The following VPS13B variants were observed in gnomAD, a reference collection of about 807,000 sequenced individuals.
VPS13B encodes intermembrane lipid transfer protein VPS13B.
VPS13B carries 285 observed loss-of-function variants against 426.4 expected under a neutral mutation model. The observed-to-expected ratio is 0.67, with a 90% CI of 0.61 to 0.74. The LOEUF (loss-of-function observed/expected upper bound fraction) is 0.74. Ranked by LOEUF, VPS13B falls within the 30% of genes least tolerant of loss-of-function variation. The pLI, the probability that VPS13B is intolerant of heterozygous loss-of-function variation, is 0.00. For missense variants in VPS13B, 4,537 were observed against 4,782.6 expected, an observed-to-expected ratio of 0.95 and a Z score of 1.51; for synonymous variants, 1,676 against 1,676.4, an observed-to-expected ratio of 1.00 and a Z score of 0.01.
At chr8:99,167,006 C>T (rs926059949) in intron 15 of VPS13B, among the ~76,000 whole-genome samples, 4 of 152,082 alleles carry the variant, frequency 2.6e-5, no homozygotes, top group East Asian at 3.8e-4. Flanking sequence ...GAAGGAAGAT[C>T]GGGTGAAATT....
intron 33 of VPS13B, among the ~76,000 whole-genome samples, chr8:99,580,541 G>A (rs1394973239): frequency 2.0e-5 from 3 of 151,692 alleles, no homozygotes; most frequent in Non-Finnish European, 4.4e-5. Flanking sequence ...ACAACCTTTG[G>A]CAATATTTAT....
chr8:99,386,790 G>A (rs1240836284), intron 20 of VPS13B, among the ~76,000 whole-genome samples: 1 of 152,108 alleles, frequency 6.6e-6, no homozygotes, highest in African/African-American at 2.4e-5. Flanking sequence ...GGGGAACATA[G>A]CGAGACTCTG....
intron 23 of VPS13B, among the ~76,000 whole-genome samples, chr8:99,454,818 A>AT (rs1157305516): frequency 2.6e-5 from 4 of 152,266 alleles, no homozygotes; most frequent in African/African-American, 9.6e-5. Flanking sequence ...AATTTTGGCC[A>AT]TTCTGATAGG....
intron 40 of VPS13B, among the ~76,000 whole-genome samples, chr8:99,776,279 T>C (rs1466970516): frequency 1.3e-5 from 2 of 152,246 alleles, no homozygotes; most frequent in Non-Finnish European, 2.9e-5. Flanking sequence ...AGTATGATCA[T>C]AGATCAGTAT....
intron 17 of VPS13B, among the ~76,000 whole-genome samples, chr8:99,211,116 T>G (rs1815067205): frequency 6.6e-6 from 1 of 152,130 alleles, no homozygotes; most frequent in Non-Finnish European, 1.5e-5. Context: ...ACCATGATTG[T>G]AAGATGAAGC....
At chr8:99,034,752 G>A (rs1269484759) in intron 2 of VPS13B, among the ~76,000 whole-genome samples, 1 of 152,142 alleles carries the variant, frequency 6.6e-6, no homozygotes, top group Non-Finnish European at 1.5e-5. Flanking sequence ...TTGCTGCTGA[G>A]CTGTCTGTTG....
At chr8:99,062,386 A>C (rs1844238009) in intron 3 of VPS13B, among the ~76,000 whole-genome samples, 1 of 152,182 alleles carries the variant, frequency 6.6e-6, no homozygotes, top group Admixed American at 6.5e-5. Context: ...AAACACAATA[A>C]ATTATCATTA....
intron 44 of VPS13B, among the ~76,000 whole-genome samples, chr8:99,815,092 T>G (rs200465953): frequency 9.7e-6 from 1 of 103,572 alleles, no homozygotes; most frequent in African/African-American, 3.2e-5. Flanking sequence ...TGAGGGGGTG[T>G]GTGTGTGCAC....
At chr8:99,561,357 A>G (rs1824911660) in intron 31 of VPS13B, among the ~76,000 whole-genome samples, 2 of 152,174 alleles carry the variant, frequency 1.3e-5, no homozygotes, top group Admixed American at 6.5e-5. Context: ...ACTGTTTTGT[A>G]TATTCATCCA....
chr8:99,835,104 G>A (rs1221892651), intron 52 of VPS13B, 93 bp from the exon 53 acceptor site: 2 of 1,541,962 alleles, frequency 1.3e-6, no homozygotes, highest in Non-Finnish European at 1.8e-6. Flanking sequence ...TTCGAGTTCT[G>A]AATGTTGCAA....
intron 20 of VPS13B, chr8:99,389,691 G>A (rs1421538186): frequency 6.6e-6 from 1 of 152,204 alleles, no homozygotes; most frequent in Non-Finnish European, 1.5e-5. Context: ...TCTTGTCTCA[G>A]AAGTGGCAGA....
chr8:99,152,090 G>C (rs1022077213), intron 14 of VPS13B, among the ~76,000 whole-genome samples: 2 of 151,958 alleles, frequency 1.3e-5, no homozygotes, highest in African/African-American at 4.8e-5. Flanking sequence ...ATTTCCTGAA[G>C]TGTAAGCTTA....
intron 16 of VPS13B, among the ~76,000 whole-genome samples, chr8:99,173,107 AT>A (rs929191806): frequency 1.3e-5 from 2 of 152,134 alleles, no homozygotes; most frequent in African/African-American, 4.8e-5. Flanking sequence ...CTAAGTTCCC[AT>A]TTTTTACTTA....
At position 99,720,388 on chromosome 8, in the gene VPS13B, A is replaced by G; in HGVS notation, c.6701A>G (p.His2234Arg). The G allele has an allele frequency of 6.2e-7, 1 of 1,613,848 alleles. No homozygotes were observed. Among genetic ancestry groups the G allele is most frequent in the South Asian group, 1.1e-5 (1 of 91,064 alleles). The change falls in exon 38 of 62, where the codon CAT (histidine) becomes CGT (arginine). Residue 2234 changes from histidine to arginine, a missense_variant. Transcript: ENST00000357162. Reference sequence around the variant, plus strand: ...CATTTGAATTGTTTAGTTCTTCTACATGAATTACTCAATGGATACCTTAAT... The same window carrying G: ...CATTTGAATTGTTTAGTTCTTCTACGTGAATTACTCAATGGATACCTTAAT... The part of the protein sequence containing the change: ...QEHLNCLVLL[H>R]ELLNGYLNEE...
intron 25 of VPS13B, among the ~76,000 whole-genome samples, chr8:99,498,757 A>G (rs1165662085): frequency 6.6e-6 from 1 of 152,110 alleles, no homozygotes; most frequent in Non-Finnish European, 1.5e-5. Flanking sequence ...GTCATGGTAA[A>G]GTGGGAAATA....
At chr8:99,630,186 T>G (rs147459796) in intron 33 of VPS13B, among the ~76,000 whole-genome samples, 1 of 151,998 alleles carries the variant, frequency 6.6e-6, no homozygotes, top group Non-Finnish European at 1.5e-5. Context: ...AAATGAGGAG[T>G]GCAAGTCTCT....
At chr8:99,404,348 A>G (rs947275819) in intron 21 of VPS13B, among the ~76,000 whole-genome samples, 1 of 152,224 alleles carries the variant, frequency 6.6e-6, no homozygotes, top group East Asian at 1.9e-4. Flanking sequence ...TTTAGTAGTC[A>G]GAACAAGATT....
At chr8:99,449,071 A>G (rs564236755) in intron 23 of VPS13B, among the ~76,000 whole-genome samples, 29 of 152,320 alleles carry the variant, frequency 1.9e-4, no homozygotes, top group South Asian at 6.2e-4. Flanking sequence ...AGATTAGTTA[A>G]ATATTCCAGA....
intron 19 of VPS13B, among the ~76,000 whole-genome samples, chr8:99,377,780 A>G (rs1004122575): frequency 2.6e-5 from 4 of 152,204 alleles, no homozygotes; most frequent in Non-Finnish European, 4.4e-5. Context: ...CTGTAAAACC[A>G]GCAAGTCTTT....
Sources: allele counts gnomAD v4.1 joint callset (sites outside exome capture counted in the v4.1 genomes callset), GRCh38; gene constraint gnomAD v4.1.1; transcripts MANE v1.5; gene names NCBI Gene and HGNC (gene_info 2026-07-23, HGNC 2026-07-21).